Variants in TARBP1 observed in about 807,000 individuals in gnomAD.
TARBP1 encodes the protein tRNA guanosine 2 -O-methyltransferase TARBP1, also known as tRNA (guanosine(18)-2'-O)-methyltransferase TARBP1.
Under a neutral mutation model 178.6 loss-of-function variants are expected in TARBP1, and 144 were observed. The ratio of observed to expected loss-of-function variants is 0.81; its 90% CI spans 0.70 to 0.93. The LOEUF (loss-of-function observed/expected upper bound fraction) is 0.93. Among genes scored for constraint, TARBP1 ranks in the 40% least tolerant of loss-of-function variants. The pLI is 0.00. For missense variants in TARBP1, 2,067 were observed against 2,011.7 expected (o/e 1.03, Z -0.53); for synonymous variants, 787 against 781.0 (o/e 1.01, Z -0.13).
At chr1:234,413,961 T>C (rs972035936) in intron 22 of TARBP1, among the ~76,000 whole-genome samples, 2 of 152,180 alleles carry the variant, frequency 1.3e-5, no homozygotes, top group African/African-American at 4.8e-5. Context: ...ATGGTGGTGG[T>C]ATTCACTAGA....
At chr1:234,400,554 C>T (rs1451950771) in intron 25 of TARBP1, among the ~76,000 whole-genome samples, 1 of 151,940 alleles carries the variant, frequency 6.6e-6, no homozygotes, top group African/African-American at 2.4e-5. Context: ...GAGGAAAAGC[C>T]CTAGGTCAGT....
At chr1:234,394,624 G>A (rs10797540) in intron 26 of TARBP1, among the ~76,000 whole-genome samples, 73,512 of 152,090 alleles carry the variant, frequency 0.48, 18,312 homozygotes, top group African/African-American at 0.58. Context: ...CGGAAGGCTC[G>A]CGGGAAGGAA....
At chr1:234,457,107 C>T (rs937064437) in intron 9 of TARBP1, among the ~76,000 whole-genome samples, 8 of 152,120 alleles carry the variant, frequency 5.3e-5, no homozygotes, top group African/African-American at 1.9e-4. Flanking sequence ...GGTCTGGAGG[C>T]CAGGGACGTG....
chr1:234,441,200 AG>A lies in TARBP1; in HGVS notation c.2135-3829del, dbSNP rs1175548969. ...TCCTGTCTCTAAATAAATAAATGTAAGGAAATACCATATTCATGCATTAAAA... is the reference window on the plus strand; with the variant it reads ...TCCTGTCTCTAAATAAATAAATGTAAGAAATACCATATTCATGCATTAAAA... On this transcript the variant is annotated intron_variant, in intron 12 of 29. Transcript: ENST00000040877. Among the ~76,000 whole-genome samples the A allele has an allele frequency of 3.3e-4, 50 of 152,254 alleles. 1 individual carries two copies. The highest frequency in any genetic ancestry group is 3.3e-3 in the Admixed American group (50 of 15,274).
chr1:234,436,456 G>A (rs962803368), intron 13 of TARBP1, among the ~76,000 whole-genome samples: 1 of 152,102 alleles, frequency 6.6e-6, no homozygotes, highest in Admixed American at 6.6e-5. Context: ...AAAAATTAAG[G>A]AAGATATAGA....
rs1464034821 is a variant in TARBP1 at position 234,423,561 on chromosome 1, T to C, written c.3444+2112A>G. The stretch of plus-strand genomic sequence containing the variant: ...ATTCTCATCCCACCATGAAACGCCT[T>C]TGTCGAGGTGACCAAGACAGCTGAA... On this transcript the variant is annotated intron_variant, in intron 20 of 29. Coordinates refer to ENST00000040877, the MANE Select transcript of TARBP1 (RefSeq NM_005646.4). Among the ~76,000 whole-genome samples, 3 of 152,102 alleles carry C rather than the reference T, an allele frequency of 2.0e-5. No homozygotes were observed. The East Asian group carries it at 5.8e-4, about 29-fold the overall frequency.
At chr1:234,434,690 G>C (rs1227986358) in intron 13 of TARBP1, among the ~76,000 whole-genome samples, 3 of 152,244 alleles carry the variant, frequency 2.0e-5, no homozygotes, top group Non-Finnish European at 4.4e-5. Flanking sequence ...GGTGGAGACA[G>C]AGATTTGAGG....
intron 26 of TARBP1, among the ~76,000 whole-genome samples, chr1:234,396,326 T>C (rs924876571): frequency 6.6e-6 from 1 of 152,210 alleles, no homozygotes; most frequent in Non-Finnish European, 1.5e-5. Context: ...CACTGTCCTT[T>C]GCTCTAGAAT....
intron 22 of TARBP1, among the ~76,000 whole-genome samples, chr1:234,414,577 G>A (rs1263036840): frequency 6.6e-6 from 1 of 152,122 alleles, no homozygotes; most frequent in African/African-American, 2.4e-5. Flanking sequence ...AGAAGACAAA[G>A]GCTGACCACT....
chr1:234,467,460 C>T, intron 4 of TARBP1, 42 bp downstream of exon 4: 2 of 1,474,410 alleles, frequency 1.4e-6, no homozygotes, highest in Non-Finnish European at 1.8e-6. Flanking sequence ...TACCTCTCGC[C>T]TTTCAACAAT....
chr1:234,438,967 G>A (rs1350996020), intron 12 of TARBP1, among the ~76,000 whole-genome samples: 1 of 152,150 alleles, frequency 6.6e-6, no homozygotes, highest in Non-Finnish European at 1.5e-5. Flanking sequence ...AAATGGAACA[G>A]CATTTTTAAA....
intron 12 of TARBP1, among the ~76,000 whole-genome samples, chr1:234,443,816 C>A (rs1379997093): frequency 2.0e-5 from 3 of 152,018 alleles, no homozygotes; most frequent in African/African-American, 7.3e-5. Context: ...ATGGATGGAC[C>A]CAGAAGACAT....
intron 10 of TARBP1, among the ~76,000 whole-genome samples, chr1:234,449,792 A>G (rs1047676344): frequency 6.6e-6 from 1 of 152,186 alleles, no homozygotes; most frequent in Non-Finnish European, 1.5e-5. Context: ...CGAAGATGCA[A>G]TTTTCCTAAA....
At position 234,429,283 on chromosome 1, in the gene TARBP1, G is replaced by A. The variant is rs111903889; in HGVS notation, c.2913C>T (p.Asp971=). The A allele has an allele frequency of 7.8e-4, 1,244 of 1,599,144 alleles. 12 individuals carry two copies. In the African/African-American group the frequency reaches 0.015, roughly 19 times the overall value. ...SSESLCIESF[D]MAWKIISSLS... ...AAGAAGATATAATTTTCCACGCCAT[G>A]TCAAAAGACTCTATGCAGAGTGATT... is the stretch of plus-strand genomic sequence containing the variant. Residue 971 remains aspartate (D), a synonymous_variant, in exon 17 of 30, where the codon GAC becomes GAT. Coordinates refer to ENST00000040877, the MANE Select transcript of TARBP1 (RefSeq NM_005646.4).
At chr1:234,443,358 C>T (rs575084271) in intron 12 of TARBP1, among the ~76,000 whole-genome samples, 20 of 151,116 alleles carry the variant, frequency 1.3e-4, no homozygotes, top group African/African-American at 4.9e-4. Flanking sequence ...TAGTAGTAAA[C>T]TGAATCCCAA....
At chr1:234,460,903 G>GAA (rs1667792450) in intron 6 of TARBP1, among the ~76,000 whole-genome samples, 1 of 152,188 alleles carries the variant, frequency 6.6e-6, no homozygotes, top group African/African-American at 2.4e-5. Flanking sequence ...GATAAACCTT[G>GAA]AAAATACTAT....
intron 4 of TARBP1, among the ~76,000 whole-genome samples, chr1:234,465,953 A>C (rs1248905218): frequency 3.3e-5 from 5 of 152,160 alleles, no homozygotes; most frequent in Non-Finnish European, 5.9e-5. Flanking sequence ...CTAAAAAGAG[A>C]GTTCATGTGT....
In TARBP1 at chr1:234,427,756, T is replaced by C. The variant is rs776517082; in HGVS notation, c.3071A>G (p.Lys1024Arg). 4.9e-6 allele frequency: 7 copies of C among 1,422,458 alleles called. No homozygotes were observed. In the African/African-American group the frequency reaches 8.9e-5, roughly 18 times the overall value. The allele number at this position is 1,422,458 out of a possible 1,614,324, so 88.1% of individuals were successfully genotyped here. A position where few individuals can be genotyped will look rare whatever the true frequency, so the allele number is the denominator to read the frequency against. Reference protein sequence around the residue: ...AYFKIKEIMYKIIEMSAIKTG... With the variant: ...AYFKIKEIMYRIIEMSAIKTG... ...CTTTATAGCAGACATTTCAATTATC[T>C]TGTACATAATCTGGAATAAAATACA... Residue 1024 changes from lysine (K) to arginine (R), a missense_variant, in exon 18 of 30, where the codon AAG becomes AGG. Transcript: ENST00000040877.
chr1:234,476,456 C>T (rs74147475), intron 1 of TARBP1, among the ~76,000 whole-genome samples: 2,402 of 152,214 alleles, frequency 0.016, 67 homozygotes, highest in African/African-American at 0.053. Context: ...GAGAAACCTG[C>T]GACATCTGGG....
Sources: allele counts gnomAD v4.1 joint callset (sites outside exome capture counted in the v4.1 genomes callset), GRCh38; gene constraint gnomAD v4.1.1; transcripts MANE v1.5; gene names NCBI Gene and HGNC (gene_info 2026-07-23, HGNC 2026-07-21).